The following VANGL2 variants were observed in gnomAD, a reference collection of about 807,000 sequenced individuals.
The protein encoded by VANGL2 is VANGL planar cell polarity protein 2, also known as vang-like protein 2.
A neutral mutation model predicts 50.2 loss-of-function variants in VANGL2; 14 were observed. The ratio of observed to expected loss-of-function variants is 0.28; its 90% CI spans 0.18 to 0.44. The LOEUF (loss-of-function observed/expected upper bound fraction) is 0.44, where lower values mean the gene tolerates loss of function less well. Ranked by LOEUF, VANGL2 falls within the 20% of genes least tolerant of loss-of-function variation. The pLI, the probability that VANGL2 is intolerant of heterozygous loss-of-function variation, is 1.00. For synonymous variants in VANGL2, 295 were observed against 297.2 expected (o/e 0.99, Z 0.08); for missense variants, 533 against 701.5 (o/e 0.76, Z 2.71).
At chr1:160,423,662 C>T (rs1440219927) in intron 6 of VANGL2, among the ~76,000 whole-genome samples, 2 of 152,178 alleles carry the variant, frequency 1.3e-5, no homozygotes, top group Admixed American at 6.5e-5. Flanking sequence ...GTTGCCCATG[C>T]TGTCATGGTT....
At chr1:160,420,330 C>T in intron 4 of VANGL2, 81 bp from the exon 5 acceptor site, 4 of 1,586,290 alleles carry the variant, frequency 2.5e-6, no homozygotes, top group Middle Eastern at 3.4e-4. Context: ...CCTGCCCTGC[C>T]AACCTGCCCT....
At position 160,419,028 on chromosome 1, in the gene VANGL2, A is replaced by G. The variant is rs2101965143; in HGVS notation, c.219A>G (p.Thr73=). 7 of 1,608,870 alleles carry G rather than the reference A, an allele frequency of 4.4e-6. No homozygotes were observed. The highest frequency in any genetic ancestry group is 6.0e-6 in the Non-Finnish European group (7 of 1,176,032). Residue 73 remains threonine (T), a synonymous_variant, in exon 4 of 8, where the codon ACA becomes ACG. Coordinates refer to ENST00000368061, the MANE Select transcript of VANGL2 (RefSeq NM_020335.3). The surrounding 1 kb of genome is among the most constrained non-coding windows in gnomAD (Gnocchi z 5.8). ...ERDDNWGETT[T]VVTGTSEHSI... Reference sequence around the variant, plus strand: ...ATGACAACTGGGGGGAAACGACGACAGTAGTAACGGGCACCTCAGAGCACA... The same window carrying G: ...ATGACAACTGGGGGGAAACGACGACGGTAGTAACGGGCACCTCAGAGCACA...
At position 160,401,066 on chromosome 1, in the gene VANGL2, C is replaced by T. The variant is rs948975484; in HGVS notation, c.-191+197C>T. Among the ~76,000 whole-genome samples, 4 of 148,474 alleles carry T rather than the reference C, an allele frequency of 2.7e-5. No individual in the cohort carries two copies. In the Admixed American group the frequency reaches 2.7e-4, roughly 10 times the overall value. ...CCCCTTCCGGTCCGCTTCCCCACTG[C>T]ACAGCGGAGTACCCCCCCCAACTTT... is the stretch of plus-strand genomic sequence containing the variant. On this transcript the variant is annotated intron_variant, in intron 1 of 7. Transcript: ENST00000368061.
rs1651513620 is a variant in VANGL2, at chr1:160,427,858, C to T, written c.*2480C>T. ...CACCAGCACTGTCTTTTGTGTGACTCATGGCATCCTCGTTCATCCCCACCG... is the reference window on the plus strand; with the variant it reads ...CACCAGCACTGTCTTTTGTGTGACTTATGGCATCCTCGTTCATCCCCACCG... On this transcript the variant is annotated 3_prime_UTR_variant, in exon 8 of 8. Transcript: ENST00000368061. 2 of 152,724 alleles carry T rather than the reference C, an allele frequency of 1.3e-5. No homozygotes were observed. The highest frequency in any genetic ancestry group is 4.1e-4 in the South Asian group (2 of 4,826). The allele number at this position is 152,724 out of a possible 1,614,324, so 9.5% of individuals were successfully genotyped here.
At chr1:160,405,435 C>A (rs1199287205) in intron 1 of VANGL2, among the ~76,000 whole-genome samples, 1 of 152,142 alleles carries the variant, frequency 6.6e-6, no homozygotes, top group African/African-American at 2.4e-5. Context: ...TTGTCTCTAC[C>A]CTGCTTGGTA....
chr1:160,420,928 G>A (rs1274093843), intron 5 of VANGL2, 124 bp from the exon 6 acceptor site: 16 of 1,410,548 alleles, frequency 1.1e-5, no homozygotes, highest in East Asian at 2.5e-5. Context: ...GGGATTAGGA[G>A]GTATTGCTGG....
Position 160,416,117 on chromosome 1 carries a change from T to A in VANGL2, c.127T>A (p.Ser43Thr). Residue 43 changes from serine (S) to threonine (T), a missense_variant, in exon 3 of 8, where the codon TCG becomes ACG. By Grantham distance (58) the Ser-to-Thr change is moderately conservative. Transcript: ENST00000368061. ...TCGAGATGGGGGCCGAGGGGACAAG[T>A]CGGTGACAATCCAGGCTCCCGGGGA... ...KSRDGGRGDK[S>T]VTIQAPGEPL... The A allele has an allele frequency of 6.2e-7, 1 of 1,613,990 alleles. No individual in the cohort carries two copies. Among genetic ancestry groups the A allele is most frequent in the Non-Finnish European group, 8.5e-7 (1 of 1,179,988 alleles).
chr1:160,406,828 G>A (rs1445970228), intron 1 of VANGL2, among the ~76,000 whole-genome samples: 3 of 151,888 alleles, frequency 2.0e-5, no homozygotes, highest in Non-Finnish European at 4.4e-5. Context: ...TCCCTGGTTC[G>A]AGTGATTCTC....
At chr1:160,415,966 GGT>G in intron 2 of VANGL2, 58 bp downstream of exon 2, 1 of 1,614,188 alleles carries the variant, frequency 6.2e-7, no homozygotes, top group Non-Finnish European at 8.5e-7. Context: ...GCTGTTAAGA[GGT>G]GGGCACGTGC....
chr1:160,421,172 G>A lies in VANGL2; in HGVS notation c.1058G>A (p.Arg353His), dbSNP rs772560176. ...GAGGCTGAGCATGAGCGAAGGGTGC[G>A]CAAGAGGAGGGCCAGGTGGGTCCCT... ...YEEAEHERRVRKRRARLVVAV... is the reference protein window; with the variant it reads ...YEEAEHERRVHKRRARLVVAV... The change falls in exon 6 of 8, where the codon CGC (arginine) becomes CAC (histidine). Residue 353 changes from arginine (R) to histidine (H), a missense_variant. Physicochemically the swap from Arg to His is conservative, Grantham distance 29. Transcript: ENST00000368061. The A allele has an allele frequency of 5.5e-5, 89 of 1,613,470 alleles. No homozygotes were observed. The highest frequency in any genetic ancestry group is 8.8e-5 in the South Asian group (8 of 91,058).
intron 1 of VANGL2, among the ~76,000 whole-genome samples, chr1:160,404,562 C>G (rs1401858816): frequency 1.3e-5 from 2 of 152,156 alleles, no homozygotes; most frequent in Non-Finnish European, 2.9e-5. Context: ...ACAATTGTCG[C>G]CATTTCCCCT....
At position 160,425,924 on chromosome 1, in the gene VANGL2, C is replaced by T. The variant is rs1314351364; in HGVS notation, c.*546C>T. The stretch of plus-strand genomic sequence containing the variant: ...CCCTGGGTTCTAGGGCAGGGATACT[C>T]CTGCCACACAGCCCGAGTTAGAAAT... On this transcript the variant is annotated 3_prime_UTR_variant, in exon 8 of 8. Transcript: ENST00000368061. 6.5e-6 allele frequency: 1 copy of T among 153,108 alleles called. No homozygotes were observed. The highest frequency in any genetic ancestry group is 1.5e-5 in the Non-Finnish European group (1 of 68,716). The allele number at this position is 153,108 out of a possible 1,614,324, so 9.5% of individuals were successfully genotyped here.
Position 160,427,554 on chromosome 1 carries a change from C to CATTATT in VANGL2, c.*2202_*2207dup, listed in dbSNP as rs112160063. The CATTATT allele has an allele frequency of 0.11, 16,712 of 146,458 alleles. 1,042 individuals are homozygous for CATTATT. Among genetic ancestry groups the CATTATT allele is most frequent in the South Asian group, 0.19 (884 of 4,592 alleles). The allele number at this position is 146,458 out of a possible 1,614,324, so 9.1% of individuals were successfully genotyped here. On this transcript the variant is annotated 3_prime_UTR_variant, in exon 8 of 8. Transcript: ENST00000368061. ...GAACTGTGGTATCTTTGTCTTTTTT[C>CATTATT]ATTATTATTATTATTATTATTATTA... is the stretch of plus-strand genomic sequence containing the variant.
intron 1 of VANGL2, among the ~76,000 whole-genome samples, chr1:160,407,547 C>T (rs976208638): frequency 1.3e-5 from 2 of 152,352 alleles, no homozygotes; most frequent in African/African-American, 4.8e-5. Context: ...ACTTCCCCTT[C>T]CCAACTAGCT....
chr1:160,402,060 G>C (rs773073575), intron 1 of VANGL2, among the ~76,000 whole-genome samples: 1 of 152,144 alleles, frequency 6.6e-6, no homozygotes, highest in African/African-American at 2.4e-5. Context: ...CTGGGTTTAG[G>C]GGTAGTACCT....
At chr1:160,417,862 GC>G (rs1651114856) in intron 3 of VANGL2, among the ~76,000 whole-genome samples, 1 of 151,308 alleles carries the variant, frequency 6.6e-6, no homozygotes, top group Non-Finnish European at 1.5e-5. Flanking sequence ...TCTAGCTTCT[GC>G]CAAAATCATG....
intron 1 of VANGL2, among the ~76,000 whole-genome samples, chr1:160,414,856 G>T (rs540832423): frequency 8.1e-5 from 12 of 148,644 alleles, no homozygotes; most frequent in Admixed American, 2.7e-4. Context: ...TTGGGTGGGG[G>T]TTAGAGAGAG....
intron 1 of VANGL2, among the ~76,000 whole-genome samples, chr1:160,402,358 CAG>C (rs1218373396): frequency 2.0e-5 from 3 of 152,198 alleles, no homozygotes; most frequent in African/African-American, 7.2e-5. Context: ...AAAGCCGTCT[CAG>C]AGTTTGCTGC....
rs143126744 is a variant in VANGL2, at chr1:160,422,321, G to A, written c.1073+1134G>A. ...CCCCTTTATCTTCTGCCCTGACCAG[G>A]GTCATCCAATCTCCTGTACTGCCAC... is the stretch of plus-strand genomic sequence containing the variant. On this transcript the variant is annotated intron_variant, in intron 6 of 7. Coordinates refer to ENST00000368061, the MANE Select transcript of VANGL2 (RefSeq NM_020335.3). Among the ~76,000 whole-genome samples, 50 of 152,258 alleles carry A rather than the reference G, an allele frequency of 3.3e-4. 1 individual carries two copies. In the East Asian group the frequency reaches 9.4e-3, roughly 29 times the overall value.
Sources: allele counts gnomAD v4.1 joint callset (sites outside exome capture counted in the v4.1 genomes callset), GRCh38; gene constraint gnomAD v4.1.1; non-coding constraint Gnocchi (gnomAD v3.1); transcripts MANE v1.5; gene names NCBI Gene and HGNC (gene_info 2026-07-23, HGNC 2026-07-21).